GPC6: variants seen among roughly 807,000 people sequenced by gnomAD.
GPC6 encodes the protein glypican 6, also known as glypican-6.
A neutral mutation model predicts 55.2 loss-of-function variants in GPC6; 14 were observed. The observed-to-expected ratio is 0.25, with a 90% confidence interval of 0.17 to 0.40. The LOEUF is 0.40. Ranked by LOEUF, GPC6 falls within the 10% of genes least tolerant of loss-of-function variation. The pLI is 1.00. For missense variants in GPC6, 641 were observed against 708.5 expected, an observed-to-expected ratio of 0.90 and a Z score of 1.08; for synonymous variants, 278 against 259.6, an observed-to-expected ratio of 1.07 and a Z score of -0.68.
At chr13:94,170,818 T>C (rs901558213) in intron 4 of GPC6, among the ~76,000 whole-genome samples, 1 of 152,292 alleles carries the variant, frequency 6.6e-6, no homozygotes, top group South Asian at 2.1e-4. Context: ...AGCCATCATG[T>C]TTAATTTGGG....
rs150930639 is a variant in GPC6 at position 93,537,805 on chromosome 13, C to T, written c.161-7458C>T. On this transcript the variant is annotated intron_variant, in intron 1 of 8. Transcript: ENST00000377047. ...TGTTAAGCATTTCCTTCTCACTTCA[C>T]ATAGTTAGTAAGTGGTAAGGTCAAA... Among the ~76,000 whole-genome samples, 265 of 152,212 alleles carry T rather than the reference C, an allele frequency of 1.7e-3. 1 individual carries two copies. Among genetic ancestry groups the T allele is most frequent in the South Asian group, 3.5e-3 (17 of 4,824 alleles).
At chr13:94,098,590 G>A (rs1885746842) in intron 4 of GPC6, among the ~76,000 whole-genome samples, 1 of 152,044 alleles carries the variant, frequency 6.6e-6, no homozygotes, top group African/African-American at 2.4e-5. Context: ...CATTTAATGT[G>A]GACCATAGGA....
rs199744748 is a variant in GPC6, at chr13:93,801,673, GA to G, written c.320-28475del. Among the ~76,000 whole-genome samples, 703 of 152,216 alleles carry G rather than the reference GA, an allele frequency of 4.6e-3. 6 individuals carry two copies. Among genetic ancestry groups the G allele is most frequent in the African/African-American group, 0.016 (674 of 41,544 alleles). ...AGAGAGAAAAATTGAAATGTTGACT[GA>G]AAAAAGAAGGTGGAGATTTCTAGTC... On this transcript the variant is annotated intron_variant, in intron 2 of 8. Transcript: ENST00000377047.
chr13:93,407,635 A>T (rs1267933302), intron 1 of GPC6, among the ~76,000 whole-genome samples: 2 of 152,190 alleles, frequency 1.3e-5, no homozygotes, highest in Non-Finnish European at 2.9e-5. Flanking sequence ...AGAAAACTGT[A>T]ATATGTCATA....
intron 1 of GPC6, among the ~76,000 whole-genome samples, chr13:93,326,765 A>G (rs1030797019): frequency 1.3e-5 from 2 of 152,202 alleles, no homozygotes; most frequent in Admixed American, 6.5e-5. Flanking sequence ...TTCAACTCTA[A>G]TCCATAAAAT....
chr13:94,138,782 A>G (rs950213361), intron 4 of GPC6, among the ~76,000 whole-genome samples: 3 of 152,182 alleles, frequency 2.0e-5, no homozygotes, highest in Non-Finnish European at 4.4e-5. Context: ...TGTAACAATG[A>G]CAATAGCGAC....
intron 1 of GPC6, among the ~76,000 whole-genome samples, chr13:93,323,414 T>G (rs998345199): frequency 4.6e-5 from 7 of 152,172 alleles, no homozygotes; most frequent in African/African-American, 1.7e-4. Flanking sequence ...TCTCCTACCA[T>G]TTTTCTTTTC....
At position 93,824,007 on chromosome 13, in the gene GPC6, T is replaced by C. The variant is rs578001137; in HGVS notation, c.320-6147T>C. Among the ~76,000 whole-genome samples, 18 of 152,300 alleles carry C rather than the reference T, an allele frequency of 1.2e-4. No individual in the cohort carries two copies. The East Asian group carries it at 3.3e-3, about 28-fold the overall frequency. ...AATATTGTCTTTTAATAATCATAGA[T>C]TTTTATTTCTCCCTTTTAAAATAAA... On this transcript the variant is annotated intron_variant, in intron 2 of 8. Coordinates refer to ENST00000377047, the MANE Select transcript of GPC6 (RefSeq NM_005708.5).
At chr13:94,074,301 G>A (rs567920883) in intron 4 of GPC6, among the ~76,000 whole-genome samples, 26 of 152,288 alleles carry the variant, frequency 1.7e-4, no homozygotes, top group African/African-American at 6.0e-4. Context: ...TCTGTTTCAA[G>A]AGCATATGTG....
At chr13:94,027,222 A>G (rs1429414849) in intron 3 of GPC6, among the ~76,000 whole-genome samples, 2 of 152,190 alleles carry the variant, frequency 1.3e-5, no homozygotes, top group Admixed American at 6.5e-5. Context: ...CAGATGCCCA[A>G]AGATGGTACC....
intron 3 of GPC6, among the ~76,000 whole-genome samples, chr13:93,850,715 C>T (rs554810413): frequency 6.6e-6 from 1 of 151,946 alleles, no homozygotes; most frequent in African/African-American, 2.4e-5. Context: ...ATCCAGAGCT[C>T]GTTAGACCAG....
intron 4 of GPC6, among the ~76,000 whole-genome samples, chr13:94,065,329 C>T (rs182790105): frequency 7.7e-4 from 118 of 152,270 alleles, no homozygotes; most frequent in African/African-American, 2.8e-3. Context: ...GCTAGGCACT[C>T]AGTGCTCACT....
chr13:93,893,682 T>G (rs1187175009), intron 3 of GPC6, among the ~76,000 whole-genome samples: 1 of 152,190 alleles, frequency 6.6e-6, no homozygotes, highest in Admixed American at 6.6e-5. Flanking sequence ...GAAGTCAGTT[T>G]CAGGTGGAAA....
intron 3 of GPC6, among the ~76,000 whole-genome samples, chr13:93,833,818 T>C (rs9561455): frequency 0.24 from 35,740 of 152,048 alleles, 4,737 homozygotes; most frequent in East Asian, 0.34. Flanking sequence ...TGCCATCTTA[T>C]GGATACAAAC....
At chr13:93,349,287 G>T (rs552014881) in intron 1 of GPC6, among the ~76,000 whole-genome samples, 1 of 152,036 alleles carries the variant, frequency 6.6e-6, no homozygotes, top group South Asian at 2.1e-4. Context: ...AAGTAACTAA[G>T]TTGTATCATT....
intron 1 of GPC6, among the ~76,000 whole-genome samples, chr13:93,538,317 A>T (rs1882142444): frequency 6.6e-6 from 1 of 152,170 alleles, no homozygotes; most frequent in African/African-American, 2.4e-5. Flanking sequence ...AAGCTGCCTT[A>T]CTAATTCAGT....
chr13:93,958,364 C>T (rs1217824054), intron 3 of GPC6, among the ~76,000 whole-genome samples: 3 of 152,124 alleles, frequency 2.0e-5, no homozygotes, highest in African/African-American at 4.8e-5. Context: ...TGATCTATCT[C>T]GAGTGAATTT....
chr13:93,294,499 T>C (rs1878418377), intron 1 of GPC6, among the ~76,000 whole-genome samples: 1 of 151,710 alleles, frequency 6.6e-6, no homozygotes, highest in Non-Finnish European at 1.5e-5. Flanking sequence ...CCTCAGGAAG[T>C]AGTTGATTTG....
At chr13:93,787,813 C>CT (rs34077056) in intron 2 of GPC6, among the ~76,000 whole-genome samples, 50,414 of 152,014 alleles carry the variant, frequency 0.33, 8,789 homozygotes, top group African/African-American at 0.44. Flanking sequence ...TAAACAACCT[C>CT]TTTTATCCCC....
Sources: gnomAD v4.1 joint callset for allele counts (sites outside exome capture counted in the v4.1 genomes callset) on GRCh38, gnomAD v4.1.1 for gene constraint, MANE v1.5 for transcripts, NCBI Gene and HGNC (gene_info 2026-07-23, HGNC 2026-07-21) for gene names.